TBC1D7: variants seen among roughly 807,000 people sequenced by gnomAD.
TBC1D7 encodes TBC1 domain family member 7, also known as TBC domain family 7.
A neutral mutation model predicts 35.3 loss-of-function variants in TBC1D7; 33 were observed. The ratio of observed to expected loss-of-function variants is 0.93; its 90% CI spans 0.71 to 1.25. TBC1D7 has a LOEUF of 1.25. TBC1D7 is among the 50% of genes most tolerant of loss of function. TBC1D7 has a pLI of 0.00. For synonymous variants in TBC1D7, 135 were observed against 129.5 expected, an observed-to-expected ratio of 1.04 and a Z score of -0.29; for missense variants, 362 against 365.3, an observed-to-expected ratio of 0.99 and a Z score of 0.07.
chr6:13,311,206 CTTACT>C (rs1252059664), intron 5 of TBC1D7, among the ~76,000 whole-genome samples: 1 of 152,184 alleles, frequency 6.6e-6, no homozygotes, highest in Non-Finnish European at 1.5e-5. Flanking sequence ...ACAAAGATCA[CTTACT>C]TTAATGATTA....
chr6:13,317,406 A>G (rs1584552109), intron 4 of TBC1D7, among the ~76,000 whole-genome samples: 2 of 152,186 alleles, frequency 1.3e-5, no homozygotes, highest in East Asian at 3.9e-4. Flanking sequence ...AAAGCTTTAC[A>G]TTTTCATCTA....
At chr6:13,307,810 T>C in intron 5 of TBC1D7, 65 bp from the exon 6 acceptor site, 2 of 1,491,514 alleles carry the variant, frequency 1.3e-6, no homozygotes, top group Admixed American at 2.0e-5. Flanking sequence ...GATATTATAG[T>C]CTCTGATGAA....
At chr6:13,307,362 A>T in intron 6 of TBC1D7, 1 of 405,438 alleles carries the variant, frequency 2.5e-6, no homozygotes, top group Non-Finnish European at 4.4e-6. Flanking sequence ...AAACTCATGG[A>T]GACCATTTGA....
chr6:13,306,644 GAAC>G, intron 6 of TBC1D7, 117 bp from the exon 7 acceptor site: 6 of 808,206 alleles, frequency 7.4e-6, no homozygotes, highest in Non-Finnish European at 1.1e-5. Flanking sequence ...AAGCTTCAAA[GAAC>G]AACTTTTATG....
chr6:13,318,395 G>A (rs1783789205), intron 4 of TBC1D7, among the ~76,000 whole-genome samples: 1 of 152,168 alleles, frequency 6.6e-6, no homozygotes, highest in African/African-American at 2.4e-5. Context: ...GACAAGCTGA[G>A]TAGCGGTGAG....
chr6:13,320,736 G>T (rs762918170), intron 4 of TBC1D7, 172 bp downstream of exon 4: 1 of 736,430 alleles, frequency 1.4e-6, no homozygotes, highest in South Asian at 1.4e-5. Context: ...AAGTAAGAAG[G>T]TTGGGTCAGA....
chr6:13,315,076 A>T (rs891338085), intron 5 of TBC1D7, among the ~76,000 whole-genome samples: 1 of 152,096 alleles, frequency 6.6e-6, no homozygotes, highest in Non-Finnish European at 1.5e-5. Context: ...AGCTTTTTTT[A>T]AAAAAAGAAC....
At chr6:13,308,851 A>G (rs562913842) in intron 5 of TBC1D7, among the ~76,000 whole-genome samples, 1 of 152,344 alleles carries the variant, frequency 6.6e-6, no homozygotes, top group East Asian at 1.9e-4. Context: ...AGAGGTAACT[A>G]CAATACACTG....
In TBC1D7 at chr6:13,307,660, G is replaced by A; in HGVS notation, c.605C>T (p.Pro202Leu). ...GCACCTCTTGAACCAGAGATCATAA[G>A]GAAGTTTGGGCGCCGCGGAACACAT... Reference protein sequence around the residue: ...LRMCSAAPKLPYDLWFKRCFA... With the variant: ...LRMCSAAPKLLYDLWFKRCFA... The change falls in exon 6 of 8, where the codon CCT becomes CTT. Residue 202 changes from proline to leucine, a missense_variant. Pro to Leu is a moderately conservative substitution (Grantham distance 98). Coordinates refer to ENST00000379300, the MANE Select transcript of TBC1D7 (RefSeq NM_016495.6). The A allele has an allele frequency of 6.2e-7, 1 of 1,614,142 alleles. No individual in the cohort carries two copies. The highest frequency in any genetic ancestry group is 8.5e-7 in the Non-Finnish European group (1 of 1,180,030).
intron 3 of TBC1D7, among the ~76,000 whole-genome samples, 199 bp downstream of exon 3, chr6:13,324,895 C>A (rs1441098416): frequency 6.6e-6 from 1 of 152,220 alleles, no homozygotes; most frequent in Non-Finnish European, 1.5e-5. Context: ...GATCTTGTCT[C>A]AGGAACATAA....
intron 5 of TBC1D7, among the ~76,000 whole-genome samples, chr6:13,313,461 G>C: frequency 6.6e-6 from 1 of 152,240 alleles, no homozygotes; most frequent in South Asian, 2.1e-4. Context: ...GAGCAGCCAG[G>C]CAGTTCAAAT....
intron 6 of TBC1D7, 166 bp from the exon 7 acceptor site, chr6:13,306,693 C>T: frequency 4.1e-6 from 2 of 483,238 alleles, no homozygotes; most frequent in Non-Finnish European, 7.0e-6. Flanking sequence ...ATACAGAAGC[C>T]ATTTGAAATC....
intron 3 of TBC1D7, among the ~76,000 whole-genome samples, chr6:13,322,601 T>C (rs1348873255): frequency 6.6e-6 from 1 of 152,194 alleles, no homozygotes; most frequent in Non-Finnish European, 1.5e-5. Context: ...TGGTGCAAAA[T>C]GCCACAGGTT....
At chr6:13,324,620 C>T (rs992873706) in intron 3 of TBC1D7, among the ~76,000 whole-genome samples, 1 of 152,130 alleles carries the variant, frequency 6.6e-6, no homozygotes, top group African/African-American at 2.4e-5. Flanking sequence ...CTCAGCCACT[C>T]GCACCACTGG....
At chr6:13,310,172 T>A (rs1783092646) in intron 5 of TBC1D7, among the ~76,000 whole-genome samples, 1 of 152,212 alleles carries the variant, frequency 6.6e-6, no homozygotes, top group South Asian at 2.1e-4. Flanking sequence ...TTTCAGGGAA[T>A]CCAACTCAAA....
intron 3 of TBC1D7, 51 bp from the exon 4 acceptor site, chr6:13,321,146 C>T (rs1562170863): frequency 3.3e-6 from 5 of 1,501,412 alleles, no homozygotes; most frequent in Non-Finnish European, 3.6e-6. Context: ...AGCCATCACT[C>T]CAAATCCCTC....
intron 3 of TBC1D7, among the ~76,000 whole-genome samples, chr6:13,322,660 T>C (rs186577073): frequency 4.6e-5 from 7 of 152,316 alleles, no homozygotes; most frequent in Admixed American, 3.3e-4. Context: ...GTAGCTAACA[T>C]GATACCAGTT....
intron 1 of TBC1D7, chr6:13,327,834 C>G (rs1784500680): frequency 6.6e-6 from 1 of 152,178 alleles, no homozygotes; most frequent in African/African-American, 2.4e-5. Context: ...CTGCCTCACC[C>G]AAATGCTTCC....
In TBC1D7 at chr6:13,305,095, G is replaced by A; in HGVS notation, c.*6C>T. The A allele has an allele frequency of 6.2e-7, 1 of 1,606,110 alleles. No homozygotes were observed. The highest frequency in any genetic ancestry group is 8.5e-7 in the Non-Finnish European group (1 of 1,175,526). The stretch of plus-strand genomic sequence containing the variant: ...CTGGCAGACGGTCCACAACCAGCGG[G>A]TGCGTTCAGCTTGAATGGACCGGGG... On this transcript the variant is annotated 3_prime_UTR_variant, in exon 8 of 8. Transcript: ENST00000379300.
Sources: allele counts gnomAD v4.1 joint callset (sites outside exome capture counted in the v4.1 genomes callset), GRCh38; gene constraint gnomAD v4.1.1; transcripts MANE v1.5; gene names NCBI Gene and HGNC (gene_info 2026-07-23, HGNC 2026-07-21).